ATF6: variants seen among roughly 807,000 people sequenced by gnomAD.
ATF6 encodes the protein cyclic AMP-dependent transcription factor ATF-6 alpha.
ATF6 carries 53 observed loss-of-function variants against 83.6 expected under a neutral mutation model. The ratio of observed to expected loss-of-function variants is 0.63; its 90% confidence interval spans 0.51 to 0.80. The LOEUF (loss-of-function observed/expected upper bound fraction) is 0.80, where lower values mean the gene tolerates loss of function less well. Among genes scored for constraint, ATF6 ranks in the 30% least tolerant of loss-of-function variants. ATF6 has a pLI of 0.00. For synonymous variants in ATF6, 288 were observed against 285.8 expected (o/e 1.01, Z -0.08); for missense variants, 744 against 797.9 (o/e 0.93, Z 0.81).
intron 1 of ATF6, among the ~76,000 whole-genome samples, chr1:161,770,138 G>T (rs1684351952): frequency 6.6e-6 from 1 of 152,014 alleles, no homozygotes; most frequent in South Asian, 2.1e-4. Flanking sequence ...CCATGGTTTT[G>T]CCTTTTGCAG....
At chr1:161,835,778 T>C (rs1686198434) in intron 9 of ATF6, among the ~76,000 whole-genome samples, 1 of 152,190 alleles carries the variant, frequency 6.6e-6, no homozygotes, top group Non-Finnish European at 1.5e-5. Context: ...GCACATAGGA[T>C]TGCAGATTAT....
chr1:161,831,003 G>C (rs1210464695), intron 9 of ATF6, among the ~76,000 whole-genome samples: 1 of 152,202 alleles, frequency 6.6e-6, no homozygotes, highest in Non-Finnish European at 1.5e-5. Context: ...CCGTCAGAGT[G>C]AACAGGCAAC....
chr1:161,777,263 T>C (rs955147564), intron 1 of ATF6, among the ~76,000 whole-genome samples: 1 of 152,242 alleles, frequency 6.6e-6, no homozygotes, highest in African/African-American at 2.4e-5. Context: ...CGCAGTCCTC[T>C]GCTTATATGT....
At chr1:161,819,393 G>A (rs1389211484) in intron 7 of ATF6, among the ~76,000 whole-genome samples, 1 of 152,070 alleles carries the variant, frequency 6.6e-6, no homozygotes, top group Non-Finnish European at 1.5e-5. Context: ...ATTAATAAAC[G>A]AGCCTTAGAA....
intron 14 of ATF6, among the ~76,000 whole-genome samples, chr1:161,898,462 A>G (rs989144005): frequency 1.3e-5 from 2 of 152,200 alleles, no homozygotes; most frequent in South Asian, 2.1e-4. Context: ...TGAACACTCA[A>G]TTAAATCCCC....
At chr1:161,945,294 A>G (rs530314841) in intron 15 of ATF6, among the ~76,000 whole-genome samples, 2 of 152,206 alleles carry the variant, frequency 1.3e-5, no homozygotes, top group African/African-American at 2.4e-5. Flanking sequence ...ATGAAACAAA[A>G]CACCAATGCC....
chr1:161,859,645 A>G (rs567291356), intron 12 of ATF6, among the ~76,000 whole-genome samples: 17 of 152,188 alleles, frequency 1.1e-4, no homozygotes, highest in Non-Finnish European at 2.1e-4. Context: ...GCATAGTGCA[A>G]AGCAAATGCT....
intron 6 of ATF6, among the ~76,000 whole-genome samples, chr1:161,800,967 A>G (rs1006508011): frequency 2.0e-5 from 3 of 152,156 alleles, no homozygotes; most frequent in Admixed American, 6.5e-5. Context: ...CATGTCATCT[A>G]TAGGCACTTT....
At position 161,848,482 on chromosome 1, in the gene ATF6, A is replaced by G. The variant is rs192781651; in HGVS notation, c.1319+1902A>G. Among the ~76,000 whole-genome samples the G allele has an allele frequency of 7.2e-5, 11 of 152,276 alleles. No homozygotes were observed. In the East Asian group the frequency reaches 7.7e-4, roughly 11 times the overall value. Reference sequence around the variant, plus strand: ...CTAATCCCATAGTTTATAATATTGTATTAGCCTATCATTTAGTAATTAACT... The same window carrying G: ...CTAATCCCATAGTTTATAATATTGTGTTAGCCTATCATTTAGTAATTAACT... On this transcript the variant is annotated intron_variant, in intron 10 of 15. Coordinates refer to ENST00000367942, the MANE Select transcript of ATF6 (RefSeq NM_007348.4).
chr1:161,836,305 T>C (rs1243438565), intron 9 of ATF6, among the ~76,000 whole-genome samples: 1 of 152,222 alleles, frequency 6.6e-6, no homozygotes, highest in Non-Finnish European at 1.5e-5. Flanking sequence ...ATGATATCAC[T>C]ATTGGCTGTA....
chr1:161,811,029 T>C (rs1685441906), intron 7 of ATF6, among the ~76,000 whole-genome samples: 1 of 152,264 alleles, frequency 6.6e-6, no homozygotes, highest in Admixed American at 6.5e-5. Context: ...ATTTGGCTTG[T>C]CTCCACTTTT....
At chr1:161,906,560 G>A (rs1687880816) in intron 14 of ATF6, among the ~76,000 whole-genome samples, 1 of 152,186 alleles carries the variant, frequency 6.6e-6, no homozygotes, top group Non-Finnish European at 1.5e-5. Flanking sequence ...GACATGAAAA[G>A]TATATCTTAA....
chr1:161,778,141 C>A, intron 1 of ATF6, 103 bp from the exon 2 acceptor site: 1 of 787,828 alleles, frequency 1.3e-6, no homozygotes, highest in Non-Finnish European at 2.0e-6. Flanking sequence ...ATAGTAATGG[C>A]TAATGAGAAA....
intron 15 of ATF6, among the ~76,000 whole-genome samples, chr1:161,956,222 G>A (rs745535348): frequency 4.6e-5 from 7 of 152,140 alleles, no homozygotes; most frequent in South Asian, 4.2e-4. Flanking sequence ...GTAAGAATTA[G>A]TAATGTGTAT....
chr1:161,942,923 T>G (rs1294267780), intron 15 of ATF6, among the ~76,000 whole-genome samples: 2 of 152,164 alleles, frequency 1.3e-5, no homozygotes, highest in African/African-American at 4.8e-5. Flanking sequence ...TGGCGCAATC[T>G]TGGTTCACTG....
Position 161,803,790 on chromosome 1 carries a change from C to T in ATF6, c.909+1518C>T, listed in dbSNP as rs1685213152. Among the ~76,000 whole-genome samples the T allele has an allele frequency of 2.6e-5, 4 of 152,012 alleles. No individual in the cohort carries two copies. In the South Asian group the frequency reaches 8.3e-4, roughly 32 times the overall value. On this transcript the variant is annotated intron_variant, in intron 7 of 15. Coordinates refer to ENST00000367942, the MANE Select transcript of ATF6 (RefSeq NM_007348.4). ...AGTATGATTTTCATGGGAGACCAAC[C>T]AGGTTAAGAATGATGAAAAAGGATT...
chr1:161,905,954 T>C (rs1018708419), intron 14 of ATF6, among the ~76,000 whole-genome samples: 11 of 152,110 alleles, frequency 7.2e-5, no homozygotes, highest in Admixed American at 7.2e-4. Context: ...TGCCTCAGCC[T>C]CCTGAGTAGC....
At chr1:161,792,783 C>T (rs1452810303) in intron 6 of ATF6, among the ~76,000 whole-genome samples, 1 of 152,134 alleles carries the variant, frequency 6.6e-6, no homozygotes, top group Non-Finnish European at 1.5e-5. Flanking sequence ...TTGACCTGGT[C>T]ATGAGGAGAC....
At chr1:161,887,628 A>G (rs1687454835) in intron 14 of ATF6, among the ~76,000 whole-genome samples, 1 of 152,226 alleles carries the variant, frequency 6.6e-6, no homozygotes, top group Non-Finnish European at 1.5e-5. Flanking sequence ...ATCCCAATCC[A>G]TAGCTCAAGG....
Sources: gnomAD v4.1 joint callset for allele counts (sites outside exome capture counted in the v4.1 genomes callset) on GRCh38, gnomAD v4.1.1 for gene constraint, MANE v1.5 for transcripts, NCBI Gene and HGNC (gene_info 2026-07-23, HGNC 2026-07-21) for gene names.